Variants in ZNF385B observed in about 807,000 individuals in gnomAD.
ZNF385B encodes zinc finger protein 385B.
In ZNF385B, 23 loss-of-function variants were observed where a neutral mutation model predicts 39.2. The ratio of observed to expected loss-of-function variants is 0.59; its 90% CI spans 0.42 to 0.83. The LOEUF (loss-of-function observed/expected upper bound fraction) is 0.83. Ranked by LOEUF, ZNF385B falls within the 40% of genes least tolerant of loss-of-function variation. The pLI is 0.00. For missense variants in ZNF385B, 552 were observed against 598.9 expected (o/e 0.92, Z 0.82); for synonymous variants, 205 against 222.6 (o/e 0.92, Z 0.70).
rs1553572737 is a variant in ZNF385B, at chr2:179,493,773, A to ATATACATATATGTGTACATATG, written c.553-10340_553-10339insCATATGTACACATATATGTATA. 1.3e-3 allele frequency among the ~76,000 whole-genome samples: 99 copies of ATATACATATATGTGTACATATG among 73,944 alleles called. 1 individual carries two copies. The highest frequency in any genetic ancestry group is 2.4e-3 in the Non-Finnish European group (78 of 33,048). The allele number at this position is 73,944 out of a possible 152,430, so 48.5% of individuals were successfully genotyped here. On this transcript the variant is annotated intron_variant, in intron 5 of 9. Coordinates refer to ENST00000410066, the MANE Select transcript of ZNF385B (RefSeq NM_152520.6). ...TGTATATACATATATGTATACATAT[A>ATATACATATATGTGTACATATG]TGTATATACACATATGTATACATAT...
chr2:179,610,088 T>C (rs1466082971), intron 3 of ZNF385B, among the ~76,000 whole-genome samples: 1 of 152,216 alleles, frequency 6.6e-6, no homozygotes, highest in African/African-American at 2.4e-5. Flanking sequence ...TGTTCATTTT[T>C]GCTTTGGTTG....
intron 6 of ZNF385B, among the ~76,000 whole-genome samples, chr2:179,460,874 C>T (rs759255873): frequency 7.9e-5 from 12 of 152,290 alleles, no homozygotes; most frequent in African/African-American, 2.4e-4. Context: ...GCAGCTGATT[C>T]GAGTAATTAC....
chr2:179,629,948 C>T (rs1334603589), intron 3 of ZNF385B, among the ~76,000 whole-genome samples: 2 of 152,232 alleles, frequency 1.3e-5, no homozygotes, highest in African/African-American at 4.8e-5. Context: ...TGCGAGGCAG[C>T]AGCCTGGCTG....
At chr2:179,812,146 G>A (rs1268330037) in intron 1 of ZNF385B, among the ~76,000 whole-genome samples, 1 of 152,106 alleles carries the variant, frequency 6.6e-6, no homozygotes, top group Non-Finnish European at 1.5e-5. Context: ...ACCAACAGGT[G>A]CAGGCGGGGT....
At chr2:179,772,167 T>C (rs1169131911) in intron 1 of ZNF385B, among the ~76,000 whole-genome samples, 1 of 152,202 alleles carries the variant, frequency 6.6e-6, no homozygotes, top group Admixed American at 6.5e-5. Context: ...ATCCTGGAAA[T>C]TATTCTACTT....
chr2:179,465,660 A>G (rs1272901584), intron 6 of ZNF385B, among the ~76,000 whole-genome samples: 3 of 152,172 alleles, frequency 2.0e-5, no homozygotes, highest in Non-Finnish European at 2.9e-5. Context: ...TTCAGCATTT[A>G]CTATGTGCCA....
intron 3 of ZNF385B, among the ~76,000 whole-genome samples, chr2:179,732,045 C>CT (rs998656234): frequency 1.7e-4 from 26 of 152,196 alleles, no homozygotes; most frequent in Non-Finnish European, 3.4e-4. Flanking sequence ...AGATCGCTCT[C>CT]TTTTTTGCAC....
At chr2:179,657,331 G>T (rs1161516157) in intron 3 of ZNF385B, among the ~76,000 whole-genome samples, 4 of 152,150 alleles carry the variant, frequency 2.6e-5, no homozygotes, top group Admixed American at 2.0e-4. Flanking sequence ...TTCCTTTCAG[G>T]CCTGTTTGCG....
intron 6 of ZNF385B, among the ~76,000 whole-genome samples, chr2:179,464,580 T>C (rs1426487071): frequency 6.6e-6 from 1 of 152,214 alleles, no homozygotes; most frequent in African/African-American, 2.4e-5. Context: ...TAGCCAGTTT[T>C]CCCAACACCA....
intron 1 of ZNF385B, among the ~76,000 whole-genome samples, chr2:179,818,160 TAG>T (rs1707186399): frequency 6.6e-6 from 1 of 152,152 alleles, no homozygotes; most frequent in Non-Finnish European, 1.5e-5. Flanking sequence ...GAGGAGGAAC[TAG>T]AGAGACTTTT....
chr2:179,835,189 G>A (rs1367947686), intron 1 of ZNF385B, among the ~76,000 whole-genome samples: 3 of 152,206 alleles, frequency 2.0e-5, no homozygotes, highest in Non-Finnish European at 4.4e-5. Flanking sequence ...ATGTCATGAT[G>A]TCTACAACTA....
chr2:179,611,366 A>T (rs145791054), intron 3 of ZNF385B, among the ~76,000 whole-genome samples: 1 of 152,204 alleles, frequency 6.6e-6, no homozygotes, highest in African/African-American at 2.4e-5. Flanking sequence ...CGTATGTTAA[A>T]CCATCCTTGA....
chr2:179,453,379 G>T (rs1302402755), intron 6 of ZNF385B, among the ~76,000 whole-genome samples: 2 of 152,102 alleles, frequency 1.3e-5, no homozygotes, highest in African/African-American at 2.4e-5. Flanking sequence ...AAATTTAGTA[G>T]AACTGGTCCA....
intron 3 of ZNF385B, among the ~76,000 whole-genome samples, chr2:179,682,075 T>C (rs538100464): frequency 6.6e-6 from 1 of 152,328 alleles, no homozygotes; most frequent in Non-Finnish European, 1.5e-5. Flanking sequence ...TATGCACACA[T>C]GCCAGGGTCA....
intron 3 of ZNF385B, among the ~76,000 whole-genome samples, chr2:179,732,493 A>G (rs1701459229): frequency 1.3e-5 from 2 of 152,244 alleles, no homozygotes; most frequent in African/African-American, 4.8e-5. Flanking sequence ...ATTAGAAGAC[A>G]GAAGGAAAAT....
chr2:179,555,240 A>C (rs2060829655), intron 3 of ZNF385B, among the ~76,000 whole-genome samples: 1 of 149,758 alleles, frequency 6.7e-6, no homozygotes, highest in East Asian at 1.9e-4. Context: ...AAAGGAGTAC[A>C]TGCTGTATGA....
chr2:179,784,372 G>T (rs1394802154), intron 1 of ZNF385B, among the ~76,000 whole-genome samples: 1 of 151,904 alleles, frequency 6.6e-6, no homozygotes, highest in Non-Finnish European at 1.5e-5. Context: ...TAGGTACTGG[G>T]TTTAATACAT....
rs191818960 is a variant in ZNF385B at position 179,507,207 on chromosome 2, A to C, written c.552+11321T>G. ...GGAACATTCATCCTGTGAGAAGGGA[A>C]GATTCAGTCATATGTCTTAAGTGAT... is the stretch of plus-strand genomic sequence containing the variant. On this transcript the variant is annotated intron_variant, in intron 5 of 9. Transcript: ENST00000410066. Among the ~76,000 whole-genome samples, 41 of 152,332 alleles carry C rather than the reference A, an allele frequency of 2.7e-4. 1 individual carries two copies. In the East Asian group the frequency reaches 6.0e-3, roughly 22 times the overall value.
At chr2:179,742,798 C>T (rs1303098130) in intron 3 of ZNF385B, among the ~76,000 whole-genome samples, 2 of 151,992 alleles carry the variant, frequency 1.3e-5, no homozygotes, top group Admixed American at 6.6e-5. Flanking sequence ...AATCATGTTT[C>T]TCAACTAAAA....
Sources: allele counts gnomAD v4.1 joint callset (sites outside exome capture counted in the v4.1 genomes callset), GRCh38; gene constraint gnomAD v4.1.1; transcripts MANE v1.5; gene names NCBI Gene and HGNC (gene_info 2026-07-23, HGNC 2026-07-21).